SPAG16: variants seen among roughly 807,000 people sequenced by gnomAD.
The protein encoded by SPAG16 is sperm associated antigen 16.
SPAG16 carries 86 observed loss-of-function variants against 80.4 expected under a neutral mutation model. That is an observed-to-expected ratio of 1.07 (90% CI 0.90 to 1.28). The LOEUF is 1.28. Ranked by LOEUF, SPAG16 falls within the 50% of genes most tolerant of loss-of-function variation. SPAG16 has a pLI of 0.00. For missense variants in SPAG16, 870 were observed against 765.3 expected, an observed-to-expected ratio of 1.14 and a Z score of -1.61; for synonymous variants, 294 against 265.9, an observed-to-expected ratio of 1.11 and a Z score of -1.03.
At chr2:213,857,518 G>A (rs1349492115) in intron 10 of SPAG16, among the ~76,000 whole-genome samples, 1 of 151,978 alleles carries the variant, frequency 6.6e-6, no homozygotes, top group African/African-American at 2.4e-5. Flanking sequence ...ATGGTTTAAT[G>A]AATATTCTAA....
At chr2:214,269,716 G>A (rs1395205612) in intron 15 of SPAG16, among the ~76,000 whole-genome samples, 2 of 152,068 alleles carry the variant, frequency 1.3e-5, no homozygotes, top group African/African-American at 4.8e-5. Context: ...GCTGTTAAAG[G>A]AGATCTTTGC....
At chr2:213,572,606 C>A (rs1483731978) in intron 10 of SPAG16, among the ~76,000 whole-genome samples, 1 of 152,138 alleles carries the variant, frequency 6.6e-6, no homozygotes, top group Non-Finnish European at 1.5e-5. Flanking sequence ...CTCAGATCTC[C>A]AGCTGCGTGC....
chr2:213,928,517 T>C (rs1485854555), intron 11 of SPAG16, among the ~76,000 whole-genome samples: 1 of 152,296 alleles, frequency 6.6e-6, no homozygotes, highest in East Asian at 1.9e-4. Flanking sequence ...AAATTACATT[T>C]CCCTCTTAGC....
intron 9 of SPAG16, among the ~76,000 whole-genome samples, chr2:213,457,133 G>A (rs1057425837): frequency 1.3e-5 from 2 of 152,036 alleles, no homozygotes. Context: ...ACTTAACGTT[G>A]CATGTTTTTC....
At position 214,272,540 on chromosome 2, in the gene SPAG16, C is replaced by T. The variant is rs192015954; in HGVS notation, c.1720+123274C>T. On this transcript the variant is annotated intron_variant, in intron 15 of 15. Coordinates refer to ENST00000331683, the MANE Select transcript of SPAG16 (RefSeq NM_024532.5). ...CCCACCTATGAGTGAGAACATGCGG[C>T]GTTTGGTTTTCTGTGCTTGTGTTAG... Among the ~76,000 whole-genome samples the T allele has an allele frequency of 6.5e-3, 987 of 152,070 alleles. 10 individuals carry two copies. The highest frequency in any genetic ancestry group is 0.022 in the African/African-American group (930 of 41,460).
rs34788311 is a variant in SPAG16 at position 213,765,594 on chromosome 2, C to CGTGT, written c.1071-96874_1071-96871dup. Among the ~76,000 whole-genome samples, 239 of 150,276 alleles carry CGTGT rather than the reference C, an allele frequency of 1.6e-3. 1 individual carries two copies. The highest frequency in any genetic ancestry group is 3.5e-3 in the Middle Eastern group (1 of 288). Reference sequence around the variant, plus strand: ...TTACATTTATTCATTCACAATGTCACGTGTGTGTGTGTGTGTGTGTTATTT... The same window carrying CGTGT: ...TTACATTTATTCATTCACAATGTCACGTGTGTGTGTGTGTGTGTGTGTGTTATTT... On this transcript the variant is annotated intron_variant, in intron 10 of 15. Coordinates refer to ENST00000331683, the MANE Select transcript of SPAG16 (RefSeq NM_024532.5).
intron 10 of SPAG16, among the ~76,000 whole-genome samples, chr2:213,681,730 G>C (rs12694310): frequency 0.34 from 51,268 of 151,916 alleles, 8,900 homozygotes; most frequent in Middle Eastern, 0.45. Context: ...AATATGCATA[G>C]CAAAATACCC....
intron 15 of SPAG16, among the ~76,000 whole-genome samples, chr2:214,223,401 C>G (rs982233940): frequency 3.3e-5 from 5 of 151,966 alleles, no homozygotes; most frequent in African/African-American, 1.2e-4. Context: ...AGAGTTGTTT[C>G]TGAATACGTA....
chr2:213,762,068 T>A (rs1190384060), intron 10 of SPAG16, among the ~76,000 whole-genome samples: 1 of 152,012 alleles, frequency 6.6e-6, no homozygotes, highest in Non-Finnish European at 1.5e-5. Flanking sequence ...ATCAATGAAA[T>A]ACACCACATT....
chr2:214,369,415 G>T (rs1218679027), intron 15 of SPAG16, among the ~76,000 whole-genome samples: 1 of 151,986 alleles, frequency 6.6e-6, no homozygotes, highest in South Asian at 2.1e-4. Context: ...CATATTATAG[G>T]AGGTTATAAA....
chr2:213,472,827 G>A (rs1481439779), intron 9 of SPAG16, among the ~76,000 whole-genome samples: 1 of 152,190 alleles, frequency 6.6e-6, no homozygotes, highest in Non-Finnish European at 1.5e-5. Flanking sequence ...CAGCTCAGAG[G>A]CAGTGACCAT....
chr2:214,077,677 G>A (rs900997285), intron 13 of SPAG16, among the ~76,000 whole-genome samples: 1 of 152,194 alleles, frequency 6.6e-6, no homozygotes, highest in Admixed American at 6.5e-5. Context: ...ATGAAGGCGG[G>A]TATGGAATCA....
At chr2:214,124,293 AG>A (rs1332348418) in intron 14 of SPAG16, among the ~76,000 whole-genome samples, 1 of 150,354 alleles carries the variant, frequency 6.7e-6, no homozygotes, top group African/African-American at 2.4e-5. Flanking sequence ...GTCACTGATC[AG>A]GATATTTGAC....
chr2:213,580,633 G>A (rs923707668), intron 10 of SPAG16, among the ~76,000 whole-genome samples: 2 of 151,938 alleles, frequency 1.3e-5, no homozygotes, highest in Non-Finnish European at 2.9e-5. Flanking sequence ...AGTGCATGTT[G>A]TTTTTCTTTA....
At chr2:214,157,298 C>G (rs1167455418) in intron 15 of SPAG16, among the ~76,000 whole-genome samples, 1 of 151,988 alleles carries the variant, frequency 6.6e-6, no homozygotes, top group African/African-American at 2.4e-5. Context: ...AATAAATACA[C>G]ATGTTCTTAC....
At chr2:213,845,992 C>T (rs1309851304) in intron 10 of SPAG16, among the ~76,000 whole-genome samples, 2 of 152,176 alleles carry the variant, frequency 1.3e-5, no homozygotes, top group African/African-American at 4.8e-5. Context: ...AAATACTTTT[C>T]AAGTCTCTTG....
chr2:213,733,302 C>T (rs1308729147), intron 10 of SPAG16, among the ~76,000 whole-genome samples: 1 of 149,964 alleles, frequency 6.7e-6, no homozygotes, highest in Non-Finnish European at 1.5e-5. Context: ...CAGAAATTTT[C>T]TCTCATTCTG....
intron 9 of SPAG16, among the ~76,000 whole-genome samples, chr2:213,432,836 G>T (rs567003458): frequency 2.0e-5 from 3 of 152,074 alleles, no homozygotes; most frequent in African/African-American, 7.2e-5. Context: ...AGTGAACAAA[G>T]ATACAAAAAT....
intron 9 of SPAG16, among the ~76,000 whole-genome samples, chr2:213,441,263 T>A (rs756305588): frequency 6.6e-6 from 1 of 152,166 alleles, no homozygotes. Flanking sequence ...AGATGTCCTA[T>A]CAGTGGTAGA....
Sources: gnomAD v4.1 joint callset for allele counts (sites outside exome capture counted in the v4.1 genomes callset) on GRCh38, gnomAD v4.1.1 for gene constraint, MANE v1.5 for transcripts, NCBI Gene and HGNC (gene_info 2026-07-23, HGNC 2026-07-21) for gene names.